The following PTPRM variants were observed in gnomAD, a reference collection of about 807,000 sequenced individuals.
PTPRM encodes protein tyrosine phosphatase receptor type M, also known as receptor-type tyrosine-protein phosphatase mu.
PTPRM carries 47 observed loss-of-function variants against 186.7 expected under a neutral mutation model. The observed-to-expected ratio is 0.25, with a 90% CI of 0.20 to 0.32. The LOEUF is 0.32. Among genes scored for constraint, PTPRM ranks in the 10% least tolerant of loss-of-function variants. The pLI, the probability that PTPRM is intolerant of heterozygous loss-of-function variation, is 1.00. For missense variants in PTPRM, 1,494 were observed against 1,865.0 expected, an observed-to-expected ratio of 0.80 and a Z score of 3.66; for synonymous variants, 668 against 674.9, an observed-to-expected ratio of 0.99 and a Z score of 0.16.
At chr18:8,200,542 C>G (rs1016304509) in intron 14 of PTPRM, among the ~76,000 whole-genome samples, 4 of 152,254 alleles carry the variant, frequency 2.6e-5, no homozygotes, top group Admixed American at 6.5e-5. Context: ...GTTGGAGTCT[C>G]TGTTCTGGGG....
intron 14 of PTPRM, among the ~76,000 whole-genome samples, chr18:8,221,317 A>G (rs1253517781): frequency 6.6e-6 from 1 of 152,206 alleles, no homozygotes; most frequent in Non-Finnish European, 1.5e-5. Context: ...TGAGTTTCTC[A>G]GAGGCCAGGG....
chr18:8,170,536 G>A (rs2093384439), intron 14 of PTPRM, among the ~76,000 whole-genome samples: 1 of 150,168 alleles, frequency 6.7e-6, no homozygotes, highest in Admixed American at 6.6e-5. Flanking sequence ...TATATAGGTA[G>A]TCTTGGGCCT....
chr18:8,120,520 T>A (rs1429977374), intron 13 of PTPRM, among the ~76,000 whole-genome samples: 1 of 150,262 alleles, frequency 6.7e-6, no homozygotes, highest in Non-Finnish European at 1.5e-5. Flanking sequence ...TGAGACAGTG[T>A]CTTCCTCTGT....
intron 2 of PTPRM, among the ~76,000 whole-genome samples, chr18:7,846,858 T>G (rs192663466): frequency 6.6e-6 from 1 of 152,284 alleles, no homozygotes; most frequent in Admixed American, 6.5e-5. Context: ...TTCTGATGTC[T>G]CTTCCTCTTC....
chr18:8,240,441 TAAAG>T (rs2094402110), intron 14 of PTPRM, among the ~76,000 whole-genome samples: 2 of 60,134 alleles, frequency 3.3e-5, no homozygotes, highest in South Asian at 5.4e-4. Flanking sequence ...GTCTCAAAAA[TAAAG>T]AGAGAGAGAG....
At chr18:7,933,067 C>A (rs1219216788) in intron 5 of PTPRM, among the ~76,000 whole-genome samples, 2 of 152,250 alleles carry the variant, frequency 1.3e-5, no homozygotes, top group African/African-American at 4.8e-5. Flanking sequence ...CTTTGTCCAA[C>A]AAATCCCACC....
intron 7 of PTPRM, among the ~76,000 whole-genome samples, chr18:8,059,103 A>G (rs1478500884): frequency 6.6e-6 from 1 of 150,746 alleles, no homozygotes; most frequent in Non-Finnish European, 1.5e-5. Flanking sequence ...ATGTTCTTCC[A>G]TTTGTTTGTA....
intron 22 of PTPRM, among the ~76,000 whole-genome samples, chr18:8,334,718 T>C (rs2095429371): frequency 6.6e-6 from 1 of 152,250 alleles, no homozygotes; most frequent in Non-Finnish European, 1.5e-5. Flanking sequence ...ACATTCAACA[T>C]ATTCCTGTTT....
chr18:7,942,697 CA>C (rs774781901), intron 5 of PTPRM, among the ~76,000 whole-genome samples: 6 of 152,226 alleles, frequency 3.9e-5, no homozygotes, highest in African/African-American at 7.2e-5. Flanking sequence ...GTGGTTTTCT[CA>C]GCTTCTTTCA....
chr18:8,142,004 C>T (rs1167012045), intron 13 of PTPRM, among the ~76,000 whole-genome samples: 2 of 152,096 alleles, frequency 1.3e-5, no homozygotes, highest in East Asian at 3.9e-4. Context: ...TGACAATTTC[C>T]TCCCAGTCAG....
chr18:7,940,458 C>A (rs1195082718), intron 5 of PTPRM, among the ~76,000 whole-genome samples: 3 of 152,154 alleles, frequency 2.0e-5, no homozygotes, highest in African/African-American at 7.2e-5. Context: ...TCAGGTTAGG[C>A]CTCAGTGAAG....
At chr18:8,160,024 G>T (rs1256066011) in intron 14 of PTPRM, among the ~76,000 whole-genome samples, 1 of 152,054 alleles carries the variant, frequency 6.6e-6, no homozygotes, top group South Asian at 2.1e-4. Context: ...TATTAAAATA[G>T]TTGAAATGAA....
chr18:7,782,897 G>T (rs1462916401), intron 2 of PTPRM, among the ~76,000 whole-genome samples: 1 of 152,136 alleles, frequency 6.6e-6, no homozygotes, highest in Non-Finnish European at 1.5e-5. Flanking sequence ...TTCAACAAAT[G>T]TTTTCCTTTA....
At chr18:7,992,381 G>A (rs2083311018) in intron 7 of PTPRM, among the ~76,000 whole-genome samples, 1 of 152,118 alleles carries the variant, frequency 6.6e-6, no homozygotes, top group African/African-American at 2.4e-5. Context: ...AAGTGTCAAA[G>A]CATTGTTGTT....
intron 32 of PTPRM, among the ~76,000 whole-genome samples, chr18:8,399,406 C>T (rs1300274319): frequency 6.6e-6 from 1 of 152,202 alleles, no homozygotes. Flanking sequence ...GTCAGGGCCT[C>T]ATCCAAACAG....
intron 2 of PTPRM, among the ~76,000 whole-genome samples, chr18:7,822,713 C>G (rs2045264309): frequency 6.6e-6 from 1 of 152,166 alleles, no homozygotes; most frequent in Admixed American, 6.5e-5. Flanking sequence ...GGACCTTGAA[C>G]TAAACCCACC....
At chr18:7,696,404 T>C (rs587368) in intron 1 of PTPRM, among the ~76,000 whole-genome samples, 97,536 of 152,118 alleles carry the variant, frequency 0.64, 33,274 homozygotes, top group East Asian at 0.99. Flanking sequence ...TTCATGTTTT[T>C]ATATATGATA....
At chr18:8,203,666 T>C (rs1246150248) in intron 14 of PTPRM, among the ~76,000 whole-genome samples, 1 of 152,164 alleles carries the variant, frequency 6.6e-6, no homozygotes, top group Non-Finnish European at 1.5e-5. Flanking sequence ...TGGGGGAAAT[T>C]GTCATAATGT....
chr18:7,745,720 C>G lies in PTPRM; in HGVS notation c.74-28429C>G, dbSNP rs2040972128. Among the ~76,000 whole-genome samples, 3 of 152,018 alleles carry G rather than the reference C, an allele frequency of 2.0e-5. No homozygotes were observed. In the South Asian group the frequency reaches 6.2e-4, roughly 32 times the overall value. On this transcript the variant is annotated intron_variant, in intron 1 of 32. Transcript: ENST00000580170. ...AGTGACCAGAAACCAAGAGAAAATA[C>G]AGATAATAGAAACAGATATAAGGGC... is the stretch of plus-strand genomic sequence containing the variant.
Sources: gnomAD v4.1 joint callset for allele counts (sites outside exome capture counted in the v4.1 genomes callset) on GRCh38, gnomAD v4.1.1 for gene constraint, MANE v1.5 for transcripts, NCBI Gene and HGNC (gene_info 2026-07-23, HGNC 2026-07-21) for gene names.